ASH2L: variants seen among roughly 807,000 people sequenced by gnomAD.
The protein encoded by ASH2L is ASH2 like, histone lysine methyltransferase complex subunit, also known as set1/Ash2 histone methyltransferase complex subunit ASH2.
ASH2L carries 30 observed loss-of-function variants against 81.1 expected under a neutral mutation model. That is an observed-to-expected ratio of 0.37 (90% CI 0.28 to 0.50). ASH2L has a LOEUF of 0.50. ASH2L is among the 20% of genes least tolerant of loss of function. ASH2L has a pLI of 0.95. For synonymous variants in ASH2L, 273 were observed against 279.9 expected (o/e 0.98, Z 0.24); for missense variants, 559 against 792.1 (o/e 0.71, Z 3.53).
intron 3 of ASH2L, among the ~76,000 whole-genome samples, chr8:38,108,748 G>A (rs1160460499): frequency 2.0e-5 from 3 of 152,036 alleles, no homozygotes; most frequent in Non-Finnish European, 4.4e-5. Context: ...CCGGGAAGCA[G>A]AGGTTGCACC....
At chr8:38,114,810 C>T (rs1285618673) in intron 6 of ASH2L, 95 bp from the exon 7 acceptor site, 4 of 780,528 alleles carry the variant, frequency 5.1e-6, no homozygotes, top group Non-Finnish European at 8.5e-6. Flanking sequence ...GGACACTGCA[C>T]CTAGGAATTG....
At chr8:38,106,493 ATTTC>A in intron 2 of ASH2L, 49 bp downstream of exon 2, 1 of 1,278,760 alleles carries the variant, frequency 7.8e-7, no homozygotes, top group South Asian at 1.3e-5. Flanking sequence ...TGTTTTAGTT[ATTTC>A]TTCTTCTTCT....
intron 8 of ASH2L, chr8:38,118,978 G>A: frequency 3.6e-6 from 1 of 277,486 alleles, no homozygotes. Flanking sequence ...GTCACACCCT[G>A]AGAAAGTATA....
At chr8:38,128,992 C>A in intron 12 of ASH2L, 41 bp downstream of exon 12, 1 of 1,589,028 alleles carries the variant, frequency 6.3e-7, no homozygotes. Context: ...GCTTTGAAGG[C>A]CTGTGGCAGC....
At chr8:38,123,769 GT>G (rs1462648887) in intron 10 of ASH2L, among the ~76,000 whole-genome samples, 2 of 152,120 alleles carry the variant, frequency 1.3e-5, no homozygotes, top group Non-Finnish European at 2.9e-5. Flanking sequence ...CTAGTTTCTA[GT>G]TTATCCTTGC....
chr8:38,127,891 C>G (rs1239133617), intron 10 of ASH2L, among the ~76,000 whole-genome samples: 1 of 151,398 alleles, frequency 6.6e-6, no homozygotes, highest in African/African-American at 2.4e-5. Flanking sequence ...ACTAAAAATA[C>G]AAAAATGAGC....
At chr8:38,106,052 C>G in intron 1 of ASH2L, 1 of 1,525,862 alleles carries the variant, frequency 6.6e-7, no homozygotes, top group Non-Finnish European at 8.8e-7. Flanking sequence ...CTTTGCAGTG[C>G]CAGACTGGAA....
intron 6 of ASH2L, chr8:38,114,640 G>A (rs1810818343): frequency 4.7e-6 from 2 of 421,670 alleles, no homozygotes; most frequent in Admixed American, 8.1e-5. Context: ...AGCACCTGGG[G>A]AGAAGTCAAC....
chr8:38,120,618 T>C (rs1401466415), intron 9 of ASH2L, among the ~76,000 whole-genome samples: 2 of 4,612 alleles, frequency 4.3e-4, no homozygotes, highest in Non-Finnish European at 1.7e-3. Context: ...TCTCCTCCCT[T>C]CCCCCCCCCC....
intron 5 of ASH2L, among the ~76,000 whole-genome samples, chr8:38,111,158 A>G (rs370272314): frequency 2.6e-5 from 4 of 151,924 alleles, no homozygotes; most frequent in African/African-American, 9.7e-5. Context: ...CTCATCTCCA[A>G]CTGACCTCAT....
chr8:38,130,047 A>T (rs1488691272), intron 12 of ASH2L, among the ~76,000 whole-genome samples: 1 of 152,146 alleles, frequency 6.6e-6, no homozygotes, highest in Non-Finnish European at 1.5e-5. Flanking sequence ...ATTGTCTGTC[A>T]ACTTAATTTT....
intron 8 of ASH2L, 139 bp from the exon 9 acceptor site, chr8:38,119,131 A>G (rs1440174850): frequency 1.5e-5 from 11 of 737,602 alleles, no homozygotes; most frequent in Non-Finnish European, 2.0e-5. Flanking sequence ...CTAGGGTGAA[A>G]TCCAATATGC....
chr8:38,139,184 T>A lies in ASH2L; in HGVS notation c.*113T>A. On this transcript the variant is annotated 3_prime_UTR_variant, in exon 16 of 16. Transcript: ENST00000343823. ...AAGATGCTAAAAACACAGCCTCTCC[T>A]TTTAGCAAGTTAAAAGGCTGGGTAG... 1 of 851,818 alleles carries A rather than the reference T, an allele frequency of 1.2e-6. No individual in the cohort carries two copies. Among genetic ancestry groups the A allele is most frequent in the Non-Finnish European group, 1.8e-6 (1 of 566,138 alleles). The allele number at this position is 851,818 out of a possible 1,614,324, so 52.8% of individuals were successfully genotyped here.
At chr8:38,133,068 CA>C (rs1802121989) in intron 12 of ASH2L, among the ~76,000 whole-genome samples, 1 of 147,228 alleles carries the variant, frequency 6.8e-6, no homozygotes, top group Non-Finnish European at 1.5e-5. Flanking sequence ...GCCTGGGCAA[CA>C]AGAGTGAAAC....
chr8:38,127,597 T>C (rs1399668811), intron 10 of ASH2L, among the ~76,000 whole-genome samples: 4 of 149,096 alleles, frequency 2.7e-5, no homozygotes, highest in Admixed American at 6.7e-5. Flanking sequence ...AATACGAAAA[T>C]TAGCTGGGCG....
rs996062486 is a variant in ASH2L, at chr8:38,121,050, G to A, written c.1066G>A (p.Glu356Lys). The part of the protein sequence containing the change: ...AEPDPHAPDP[E>K]KLELDCWAGK... ...GCCTGATCCGCACGCCCCTGACCCC[G>A]AGAAGCTGGAACTTGACTGCTGGGC... The change falls in exon 10 of 16, where the codon GAG becomes AAG. Residue 356 changes from glutamate (E) to lysine (K), a missense_variant. This residue lies in a region of ASH2L where 318 missense variants were observed against 527.0 expected (regional missense o/e 0.60). Transcript: ENST00000343823. The A allele has an allele frequency of 2.5e-6, 4 of 1,613,702 alleles. No homozygotes were observed. The highest frequency in any genetic ancestry group is 2.2e-5 in the East Asian group (1 of 44,830).
At chr8:38,132,546 C>A (rs766354038) in intron 12 of ASH2L, among the ~76,000 whole-genome samples, 1 of 152,190 alleles carries the variant, frequency 6.6e-6, no homozygotes, top group African/African-American at 2.4e-5. Context: ...TGCCTGTAAT[C>A]CCAGCACTTT....
intron 1 of ASH2L, 166 bp from the exon 2 acceptor site, chr8:38,106,212 T>C: frequency 7.0e-7 from 1 of 1,436,012 alleles, no homozygotes; most frequent in South Asian, 1.2e-5. Flanking sequence ...CATGTCCACC[T>C]TCTCAGTATC....
chr8:38,135,749 C>G lies in ASH2L; in HGVS notation c.1702C>G (p.Leu568Val). The G allele has an allele frequency of 1.9e-6, 3 of 1,612,772 alleles. No homozygotes were observed. Among genetic ancestry groups the G allele is most frequent in the Non-Finnish European group, 2.5e-6 (3 of 1,179,254 alleles). Residue 568 changes from leucine (L) to valine (V), a missense_variant, in exon 14 of 16, where the codon CTG becomes GTG. This residue lies in a region of ASH2L where 95 missense variants were observed against 130.7 expected (regional missense o/e 0.73). Transcript: ENST00000343823. The stretch of plus-strand genomic sequence containing the variant: ...GGGGGTTTACTTCCCAGCCATCTCA[C>G]TGTACAAGAGCTGCACGGTACGTAC... ...FEGVYFPAISLYKSCTVSINF... is the reference protein window; with the variant it reads ...FEGVYFPAISVYKSCTVSINF...
Sources: allele counts gnomAD v4.1 joint callset (sites outside exome capture counted in the v4.1 genomes callset), GRCh38; gene constraint gnomAD v4.1.1; regional missense constraint gnomAD v4.1.1; transcripts MANE v1.5; gene names NCBI Gene and HGNC (gene_info 2026-07-23, HGNC 2026-07-21).